GLT8D2: variants seen among roughly 807,000 people sequenced by gnomAD.
GLT8D2 encodes the protein glycosyltransferase 8 domain containing 2.
In GLT8D2, 45 loss-of-function variants were observed where a neutral mutation model predicts 44.5. The observed-to-expected ratio is 1.01, with a 90% CI of 0.80 to 1.30. The LOEUF is 1.30. Ranked by LOEUF, GLT8D2 falls within the 50% of genes most tolerant of loss-of-function variation. GLT8D2 has a pLI of 0.00. For synonymous variants in GLT8D2, 156 were observed against 157.2 expected, an observed-to-expected ratio of 0.99 and a Z score of 0.06; for missense variants, 400 against 430.4, an observed-to-expected ratio of 0.93 and a Z score of 0.62.
At chr12:104,009,058 C>T (rs1166959949) in intron 4 of GLT8D2, among the ~76,000 whole-genome samples, 1 of 152,206 alleles carries the variant, frequency 6.6e-6, no homozygotes, top group Non-Finnish European at 1.5e-5. Flanking sequence ...GGTCAGAGCC[C>T]CCACGCAGAG....
intron 8 of GLT8D2, among the ~76,000 whole-genome samples, chr12:103,996,463 A>G (rs762580855): frequency 6.6e-6 from 1 of 152,216 alleles, no homozygotes; most frequent in Non-Finnish European, 1.5e-5. Context: ...CTGCTCACAA[A>G]GACACAACAA....
chr12:104,041,649 T>C (rs2583225), intron 1 of GLT8D2, among the ~76,000 whole-genome samples: 138,025 of 152,244 alleles, frequency 0.91, 62,678 homozygotes, highest in East Asian at 1. Flanking sequence ...AATTAGGGGG[T>C]TCCCTTGACA....
chr12:104,030,519 A>G (rs1190946737), intron 1 of GLT8D2, among the ~76,000 whole-genome samples: 1 of 152,128 alleles, frequency 6.6e-6, no homozygotes, highest in African/African-American at 2.4e-5. Context: ...ACAGTTAACA[A>G]AAACAAAAAC....
intron 4 of GLT8D2, among the ~76,000 whole-genome samples, chr12:104,007,183 G>T (rs1875141677): frequency 6.9e-6 from 1 of 144,468 alleles, no homozygotes; most frequent in South Asian, 2.3e-4. Flanking sequence ...TGATCCATAA[G>T]CAGAGTATTC....
chr12:104,044,657 T>A (rs1490458367), intron 1 of GLT8D2, among the ~76,000 whole-genome samples: 3 of 152,246 alleles, frequency 2.0e-5, no homozygotes, highest in Non-Finnish European at 4.4e-5. Context: ...ACCTCCCACC[T>A]GGCCTTCCTG....
At chr12:104,059,365 C>G (rs1882434977) in intron 1 of GLT8D2, among the ~76,000 whole-genome samples, 1 of 152,106 alleles carries the variant, frequency 6.6e-6, no homozygotes, top group African/African-American at 2.4e-5. Flanking sequence ...TGGAGCTGCT[C>G]TACTTCACTA....
intron 6 of GLT8D2, among the ~76,000 whole-genome samples, chr12:103,998,863 A>G (rs538640234): frequency 6.6e-6 from 1 of 152,200 alleles, no homozygotes; most frequent in Non-Finnish European, 1.5e-5. Context: ...ACCACTTTTT[A>G]TGCAGGAGAG....
chr12:104,034,932 C>T (rs560105159), intron 1 of GLT8D2, among the ~76,000 whole-genome samples: 10 of 152,258 alleles, frequency 6.6e-5, no homozygotes, highest in South Asian at 2.1e-4. Flanking sequence ...CCCTCTGGGA[C>T]GAAGCTTCCA....
rs189259219 is a variant in GLT8D2, at chr12:104,004,482, G to C, written c.113-1176C>G. On this transcript the variant is annotated intron_variant, in intron 4 of 10. Coordinates refer to ENST00000360814, the MANE Select transcript of GLT8D2 (RefSeq NM_001384711.1). ...ACATGATTGTATATTTAGAAAACCC[G>C]ACCGTCTCAGCCCATAATCTCCTCA... Among the ~76,000 whole-genome samples the C allele has an allele frequency of 8.6e-3, 1,304 of 152,154 alleles. 14 individuals are homozygous for C. The highest frequency in any genetic ancestry group is 0.03 in the African/African-American group (1,247 of 41,530).
At position 104,016,775 on chromosome 12, in the gene GLT8D2, G is replaced by GAAAGAAAGAAGGA. The variant is rs201617792; in HGVS notation, c.20-1671_20-1670insTCCTTCTTTCTTT. The stretch of plus-strand genomic sequence containing the variant: ...AGAAAGAAAGAAAGAAAGAAAGAAA[G>GAAAGAAAGAAGGA]AAGGAAGGAAGGAAGGAAGGAAGGA... On this transcript the variant is annotated intron_variant, in intron 3 of 10. Transcript: ENST00000360814. 2.0e-3 allele frequency among the ~76,000 whole-genome samples: 150 copies of GAAAGAAAGAAGGA among 74,710 alleles called. 1 individual carries two copies. Among genetic ancestry groups the GAAAGAAAGAAGGA allele is most frequent in the Non-Finnish European group, 3.2e-3 (121 of 37,246 alleles). The allele number at this position is 74,710 out of a possible 152,430, so 49.0% of individuals were successfully genotyped here.
intron 1 of GLT8D2, among the ~76,000 whole-genome samples, chr12:104,030,584 A>G (rs997911408): frequency 6.6e-6 from 1 of 152,180 alleles, no homozygotes; most frequent in African/African-American, 2.4e-5. Flanking sequence ...AGGAGCAATC[A>G]ATAAAATAAA....
chr12:104,006,892 G>A (rs187175664), intron 4 of GLT8D2, among the ~76,000 whole-genome samples: 31 of 152,188 alleles, frequency 2.0e-4, no homozygotes, highest in African/African-American at 7.5e-4. Flanking sequence ...GAACTGAAAA[G>A]CCTCATTTGT....
Position 103,995,136 on chromosome 12 carries a change from C to T in GLT8D2, c.601-635G>A, listed in dbSNP as rs149929579. Among the ~76,000 whole-genome samples, 90 of 152,278 alleles carry T rather than the reference C, an allele frequency of 5.9e-4. No homozygotes were observed. The East Asian group carries it at 0.016, about 27-fold the overall frequency. On this transcript the variant is annotated intron_variant, in intron 8 of 10. Coordinates refer to ENST00000360814, the MANE Select transcript of GLT8D2 (RefSeq NM_001384711.1). The stretch of plus-strand genomic sequence containing the variant: ...TACCTTCCTGTTCAGGCCATAATTG[C>T]CACTCAATGGATTTCTGCAAGTTCC...
intron 4 of GLT8D2, among the ~76,000 whole-genome samples, chr12:104,008,327 A>G (rs1225251981): frequency 6.6e-6 from 1 of 152,196 alleles, no homozygotes. Flanking sequence ...ACTGGAACAA[A>G]GGTGACTTTT....
At chr12:103,993,173 A>T (rs890547981) in intron 10 of GLT8D2, among the ~76,000 whole-genome samples, 4 of 152,164 alleles carry the variant, frequency 2.6e-5, no homozygotes, top group African/African-American at 9.7e-5. Context: ...TGTACTAAAA[A>T]TACAGAAATT....
At chr12:104,016,688 AAAG>A (rs1876663369) in intron 3 of GLT8D2, among the ~76,000 whole-genome samples, 10 of 56,914 alleles carry the variant, frequency 1.8e-4, no homozygotes, top group Admixed American at 1.2e-3. Flanking sequence ...GAAAGAAAAG[AAAG>A]AAAGAAAGAA....
At chr12:103,989,677 A>G in intron 10 of GLT8D2, 100 bp from the exon 11 acceptor site, 1 of 1,098,956 alleles carries the variant, frequency 9.1e-7, no homozygotes. Context: ...AGGTAAACAA[A>G]TAAAAAGGTT....
chr12:104,047,653 G>A (rs1009899725), intron 1 of GLT8D2, among the ~76,000 whole-genome samples: 9 of 152,104 alleles, frequency 5.9e-5, no homozygotes, highest in African/African-American at 2.2e-4. Flanking sequence ...TGATGGTGCT[G>A]CCCTCATGAC....
At chr12:104,011,367 T>G (rs1875805190) in intron 4 of GLT8D2, among the ~76,000 whole-genome samples, 1 of 152,344 alleles carries the variant, frequency 6.6e-6, no homozygotes, top group African/African-American at 2.4e-5. Context: ...GAAATGATAC[T>G]GCCTTCGTCC....
Sources: gnomAD v4.1 joint callset for allele counts (sites outside exome capture counted in the v4.1 genomes callset) on GRCh38, gnomAD v4.1.1 for gene constraint, MANE v1.5 for transcripts, NCBI Gene and HGNC (gene_info 2026-07-23, HGNC 2026-07-21) for gene names.